Variants in AFF3 observed in about 807,000 individuals in gnomAD.
The protein encoded by AFF3 is AF4/FMR2 family member 3.
In AFF3, 32 loss-of-function variants were observed where a neutral mutation model predicts 129.7. That is an observed-to-expected ratio of 0.25 (90% CI 0.19 to 0.33). The LOEUF is 0.33. Among genes scored for constraint, AFF3 ranks in the 10% least tolerant of loss-of-function variants. AFF3 has a pLI of 1.00. For synonymous variants in AFF3, 644 were observed against 635.4 expected (o/e 1.01, Z -0.20); for missense variants, 1,373 against 1,592.0 (o/e 0.86, Z 2.34).
intron 11 of AFF3, among the ~76,000 whole-genome samples, chr2:99,719,919 C>A (rs1678735107): frequency 1.3e-5 from 2 of 152,130 alleles, no homozygotes; most frequent in Non-Finnish European, 2.9e-5. Flanking sequence ...CGCCTGTAGT[C>A]CCAGCTACTC....
At chr2:100,129,882 A>T (rs1231601039) in intron 1 of AFF3, among the ~76,000 whole-genome samples, 1 of 152,182 alleles carries the variant, frequency 6.6e-6, no homozygotes, top group Non-Finnish European at 1.5e-5. Context: ...CCTGGCATGT[A>T]TGAGGCCTGC....
chr2:99,719,854 G>A (rs1558783811), intron 11 of AFF3, among the ~76,000 whole-genome samples: 1 of 152,168 alleles, frequency 6.6e-6, no homozygotes, highest in Middle Eastern at 3.4e-3. Context: ...TGGAGACCAC[G>A]GTGAAACCCC....
rs74913018 is a variant in AFF3, at chr2:99,546,026, T to C, written c.*5448A>G. On this transcript the variant is annotated 3_prime_UTR_variant, in exon 25 of 25. Transcript: ENST00000672756. Reference sequence around the variant, plus strand: ...GTTGTAATATTGAAAAACTGTGCTCTTCTGAGAATGGGAAAATGAGGACAT... The same window carrying C: ...GTTGTAATATTGAAAAACTGTGCTCCTCTGAGAATGGGAAAATGAGGACAT... 2.1e-3 allele frequency: 476 copies of C among 224,544 alleles called. 3 individuals are homozygous for C. The highest frequency in any genetic ancestry group is 1.0e-2 in the African/African-American group (448 of 45,008). The allele number at this position is 224,544 out of a possible 1,614,324, so 13.9% of individuals were successfully genotyped here.
rs1678879115 is a variant in AFF3 at position 99,593,074 on chromosome 2, ACTC to A, written c.2466+118_2466+120del. The A allele has an allele frequency of 3.8e-5, 45 of 1,177,976 alleles. No homozygotes were observed. The South Asian group carries it at 6.9e-4, about 18-fold the overall frequency. The allele number at this position is 1,177,976 out of a possible 1,614,324, so 73.0% of individuals were successfully genotyped here. On this transcript the variant is annotated intron_variant, in intron 15 of 24. Transcript: ENST00000672756. ...TGTGTGTTAGGTAAGGACACACAAA[ACTC>A]CTGCGGCAGCCTACCGTCCCAAACA...
rs970207725 is a variant in AFF3, at chr2:100,037,171, T to C, written c.54-28239A>G. Among the ~76,000 whole-genome samples, 3 of 151,790 alleles carry C rather than the reference T, an allele frequency of 2.0e-5. No individual in the cohort carries two copies. The South Asian group carries it at 6.2e-4, about 31-fold the overall frequency. On this transcript the variant is annotated intron_variant, in intron 4 of 24. Coordinates refer to ENST00000672756, the MANE Select transcript of AFF3 (RefSeq NM_001386135.1). ...ACATGTTCATGTAACAGCCAAAATA[T>C]TAGAAGAAAAAAATCTCAAGGTCCA...
At chr2:100,131,668 T>A (rs1389013128) in intron 1 of AFF3, among the ~76,000 whole-genome samples, 2 of 152,024 alleles carry the variant, frequency 1.3e-5, no homozygotes, top group Non-Finnish European at 2.9e-5. Context: ...CCATGTTGGG[T>A]AGGCTGGTCT....
intron 7 of AFF3, among the ~76,000 whole-genome samples, chr2:99,938,311 C>T (rs1674712057): frequency 6.6e-6 from 1 of 152,194 alleles, no homozygotes; most frequent in African/African-American, 2.4e-5. Context: ...TTTGACCCGT[C>T]TGACTGCAAA....
intron 1 of AFF3, among the ~76,000 whole-genome samples, chr2:100,132,161 C>G (rs1162317236): frequency 6.6e-6 from 1 of 152,166 alleles, no homozygotes; most frequent in Non-Finnish European, 1.5e-5. Context: ...TTCAGGAGAT[C>G]CATCGTACAG....
rs188256131 is a variant in AFF3, at chr2:99,819,780, C to G, written c.921+17697G>C. Reference sequence around the variant, plus strand: ...GGAGTGGCTGATGCTAAGGCTCAAGCTCTGGTGAAAACCCACACTGTGTGG... The same window carrying G: ...GGAGTGGCTGATGCTAAGGCTCAAGGTCTGGTGAAAACCCACACTGTGTGG... On this transcript the variant is annotated intron_variant, in intron 8 of 24. Transcript: ENST00000672756. Among the ~76,000 whole-genome samples, 10 of 152,296 alleles carry G rather than the reference C, an allele frequency of 6.6e-5. No individual in the cohort carries two copies. In the East Asian group the frequency reaches 1.7e-3, roughly 26 times the overall value.
At chr2:99,797,327 G>T (rs1303783843) in intron 8 of AFF3, among the ~76,000 whole-genome samples, 1 of 152,034 alleles carries the variant, frequency 6.6e-6, no homozygotes, top group Non-Finnish European at 1.5e-5. Flanking sequence ...GCAATTAATG[G>T]TAGAATAGAG....
chr2:99,882,480 C>G (rs544749163), intron 7 of AFF3, among the ~76,000 whole-genome samples: 50 of 152,204 alleles, frequency 3.3e-4, no homozygotes, highest in Non-Finnish European at 4.1e-4. Context: ...CGGCTGCAGC[C>G]CTGGCTGAAG....
At chr2:99,898,160 T>A (rs2106126325) in intron 7 of AFF3, among the ~76,000 whole-genome samples, 1 of 152,274 alleles carries the variant, frequency 6.6e-6, no homozygotes, top group South Asian at 2.1e-4. Flanking sequence ...GTTTGCAGAG[T>A]GGAAGATGTC....
intron 8 of AFF3, among the ~76,000 whole-genome samples, chr2:99,833,645 C>T (rs1193267756): frequency 2.0e-5 from 3 of 152,104 alleles, no homozygotes; most frequent in Admixed American, 2.0e-4. Flanking sequence ...TCCAGCCCAG[C>T]ACCCCCACCC....
intron 8 of AFF3, among the ~76,000 whole-genome samples, chr2:99,817,333 C>T (rs1282130946): frequency 3.3e-5 from 5 of 152,186 alleles, no homozygotes; most frequent in Admixed American, 6.5e-5. Flanking sequence ...CTGGCTCATA[C>T]GGTCTTGTGT....
At chr2:100,090,330 T>C (rs1207251682) in intron 4 of AFF3, among the ~76,000 whole-genome samples, 1 of 152,172 alleles carries the variant, frequency 6.6e-6, no homozygotes, top group East Asian at 1.9e-4. Flanking sequence ...ATGGTAGATT[T>C]GACCAGATGT....
At position 99,551,709 on chromosome 2, in the gene AFF3, C is replaced by T. The variant is rs180996522; in HGVS notation, c.3560-114G>A. 645 of 1,320,442 alleles carry T rather than the reference C, an allele frequency of 4.9e-4. 5 individuals are homozygous for T. The African/African-American group carries it at 8.1e-3, about 17-fold the overall frequency. 81.8% of individuals were successfully genotyped at this position (1,320,442 alleles called of 1,614,324 possible). On this transcript the variant is annotated intron_variant, in intron 24 of 24. Transcript: ENST00000672756. ...GTCTCTATATAAATCAAGGATTCTCCGTTCCATCATGTAACTTTAGCATTC... is the reference window on the plus strand; with the variant it reads ...GTCTCTATATAAATCAAGGATTCTCTGTTCCATCATGTAACTTTAGCATTC...
chr2:99,847,077 CT>C (rs1214878039), intron 7 of AFF3, among the ~76,000 whole-genome samples: 1 of 152,164 alleles, frequency 6.6e-6, no homozygotes, highest in East Asian at 1.9e-4. Context: ...GAAACTGGCA[CT>C]TTTTTTGTTG....
At chr2:99,983,374 G>GTT (rs200417752) in intron 7 of AFF3, among the ~76,000 whole-genome samples, 1 of 150,712 alleles carries the variant, frequency 6.6e-6, no homozygotes, top group African/African-American at 2.4e-5. Flanking sequence ...TCCTATCTCT[G>GTT]TTTTTTTTTG....
Position 99,554,402 on chromosome 2 carries a change from C to A in AFF3, c.3468G>T (p.Gln1156His). 6.2e-7 allele frequency: 1 copy of A among 1,614,188 alleles called. No individual in the cohort carries two copies. The highest frequency in any genetic ancestry group is 8.5e-7 in the Non-Finnish European group (1 of 1,180,036). Residue 1156 changes from glutamine to histidine, a missense_variant, in exon 24 of 25, where the codon CAG becomes CAT. Gln to His is a conservative substitution (Grantham distance 24, BLOSUM62 0). This residue lies in a region of AFF3 where 165 missense variants were observed against 234.0 expected (regional missense o/e 0.71). Coordinates refer to ENST00000672756, the MANE Select transcript of AFF3 (RefSeq NM_001386135.1). ...TGATGCTGACGTGGTTGGCCGCCATCTGGTGGATGCGCTGTGGGATGCTGA... is the reference window on the plus strand; with the variant it reads ...TGATGCTGACGTGGTTGGCCGCCATATGGTGGATGCGCTGTGGGATGCTGA... ...TIVSIPQRIH[Q>H]MAANHVSITN... is the part of the protein sequence containing the mutation.
Sources: gnomAD v4.1 joint callset for allele counts (sites outside exome capture counted in the v4.1 genomes callset) on GRCh38, gnomAD v4.1.1 for gene constraint, gnomAD v4.1.1 regional missense constraint, MANE v1.5 for transcripts, NCBI Gene and HGNC (gene_info 2026-07-23, HGNC 2026-07-21) for gene names.